HLTF: variants seen among roughly 807,000 people sequenced by gnomAD.
HLTF encodes DNA-dependent ATPase/E3 ubiquitin-protein ligase HLTF.
In HLTF, 127 loss-of-function variants were observed where a neutral mutation model predicts 129.4. The observed-to-expected ratio is 0.98, with a 90% CI of 0.85 to 1.14. The LOEUF (loss-of-function observed/expected upper bound fraction) is 1.14. Ranked by LOEUF, HLTF falls within the 50% of genes most tolerant of loss-of-function variation. The pLI is 0.00. For synonymous variants in HLTF, 332 were observed against 388.8 expected, an observed-to-expected ratio of 0.85 and a Z score of 1.72; for missense variants, 1,139 against 1,187.1, an observed-to-expected ratio of 0.96 and a Z score of 0.60.
chr3:149,051,640 C>G (rs1487768010), intron 14 of HLTF, among the ~76,000 whole-genome samples: 1 of 152,224 alleles, frequency 6.6e-6, no homozygotes, highest in Non-Finnish European at 1.5e-5. Flanking sequence ...GCGGGTGGAT[C>G]ACTTGAGGTC....
In HLTF at chr3:149,049,008, T is replaced by C; in HGVS notation, c.1618-7A>G. ...ATGGACTATCTCCTTTAGTCTGAAA[T>C]AAATGTTTTATATGAATTAAAAAAC... On this transcript the variant is annotated splice_polypyrimidine_tract_variant and splice_region_variant and intron_variant, in intron 15 of 24. Transcript: ENST00000310053. The C allele has an allele frequency of 6.3e-7, 1 of 1,578,062 alleles. No individual in the cohort carries two copies. The highest frequency in any genetic ancestry group is 8.7e-7 in the Non-Finnish European group (1 of 1,152,504).
At chr3:149,071,192 CT>C (rs1718825787) in intron 7 of HLTF, 59 bp downstream of exon 7, 2 of 1,110,022 alleles carry the variant, frequency 1.8e-6, no homozygotes, top group Non-Finnish European at 2.6e-6. Flanking sequence ...TTCAAAATTA[CT>C]TTCTAGAAAA....
At chr3:149,052,548 G>A (rs904461067) in intron 14 of HLTF, among the ~76,000 whole-genome samples, 5 of 152,150 alleles carry the variant, frequency 3.3e-5, no homozygotes, top group Non-Finnish European at 7.3e-5. Context: ...AGGAAAAGGG[G>A]AGCTCATTGT....
At chr3:149,072,065 A>T (rs1879170) in intron 5 of HLTF, among the ~76,000 whole-genome samples, 69 of 152,298 alleles carry the variant, frequency 4.5e-4, no homozygotes, top group African/African-American at 1.5e-3. Flanking sequence ...AAAATTAAGA[A>T]ATTGAAATTA....
At chr3:149,058,948 C>T (rs753373605) in intron 13 of HLTF, among the ~76,000 whole-genome samples, 2 of 152,090 alleles carry the variant, frequency 1.3e-5, no homozygotes, top group Non-Finnish European at 2.9e-5. Flanking sequence ...AAGAATAATC[C>T]ACCCAACATG....
At chr3:149,060,718 T>A in intron 11 of HLTF, 31 bp from the exon 12 acceptor site, 1 of 1,609,712 alleles carries the variant, frequency 6.2e-7, no homozygotes, top group Non-Finnish European at 8.5e-7. Context: ...AACATAAAAA[T>A]GGGCAAAACA....
intron 21 of HLTF, 33 bp from the exon 22 acceptor site, chr3:149,039,726 C>A: frequency 9.2e-7 from 1 of 1,087,700 alleles, no homozygotes; most frequent in Non-Finnish European, 1.3e-6. Context: ...CATTAGATTC[C>A]ATTTTAAATC....
intron 9 of HLTF, among the ~76,000 whole-genome samples, chr3:149,063,972 T>C (rs951546796): frequency 1.3e-5 from 2 of 152,210 alleles, no homozygotes; most frequent in African/African-American, 4.8e-5. Flanking sequence ...CCATACTACA[T>C]TGACCCCTTT....
rs148726972 is a variant in HLTF, at chr3:149,071,295, G to T, written c.851C>A (p.Pro284Gln). The change falls in exon 7 of 25, where the codon CCA becomes CAA. Residue 284 changes from proline to glutamine, a missense_variant. Coordinates refer to ENST00000310053, the MANE Select transcript of HLTF (RefSeq NM_003071.4). Reference protein sequence around the residue: ...TITNFSEKDRPENVHGGILAD... With the variant: ...TITNFSEKDRQENVHGGILAD... The stretch of plus-strand genomic sequence containing the variant: ...TAAAATTCCTCCATGGACATTTTCT[G>T]GTCGGTCCTTCTCAGAAAAATTTGT... 2 of 1,605,402 alleles carry T rather than the reference G, an allele frequency of 1.2e-6. No individual in the cohort carries two copies. Among genetic ancestry groups the T allele is most frequent in the Non-Finnish European group, 1.7e-6 (2 of 1,175,930 alleles).
intron 2 of HLTF, chr3:149,083,778 G>A (rs894952990): frequency 1.1e-4 from 16 of 151,740 alleles, no homozygotes; most frequent in African/African-American, 3.9e-4. Context: ...AATTAGCTGG[G>A]TATGGTGGTG....
At chr3:149,072,206 A>AT (rs1295603040) in intron 5 of HLTF, among the ~76,000 whole-genome samples, 1 of 152,196 alleles carries the variant, frequency 6.6e-6, no homozygotes, top group Non-Finnish European at 1.5e-5. Flanking sequence ...ATATAAAAGA[A>AT]TTTTAAGTCC....
At position 149,068,222 on chromosome 3, in the gene HLTF, C is replaced by A; in HGVS notation, c.990+18G>T. Reference sequence around the variant, plus strand: ...TAAACTGGAGGTTTCACATAAAGCGCACTTACTACTACTTTACCTTCTTCA... The same window carrying A: ...TAAACTGGAGGTTTCACATAAAGCGAACTTACTACTACTTTACCTTCTTCA... On this transcript the variant is annotated intron_variant, in intron 8 of 24. Coordinates refer to ENST00000310053, the MANE Select transcript of HLTF (RefSeq NM_003071.4). 1.9e-6 allele frequency: 2 copies of A among 1,054,418 alleles called. No homozygotes were observed. The highest frequency in any genetic ancestry group is 1.4e-5 in the South Asian group (1 of 69,856). 65.3% of individuals were successfully genotyped at this position (1,054,418 alleles called of 1,614,324 possible).
chr3:149,040,057 C>CA lies in HLTF; in HGVS notation c.2475dup (p.Asp826Ter), dbSNP rs779763241. 1 of 1,611,502 alleles carries CA rather than the reference C, an allele frequency of 6.2e-7. No homozygotes were observed. The highest frequency in any genetic ancestry group is 1.1e-5 in the South Asian group (1 of 90,804). Reference sequence around the variant, plus strand: ...TTTGAACTGGATGTCCATTCCATATCAGACTTTTTCTCACTGTCACGTGCT... The same window carrying CA: ...TTTGAACTGGATGTCCATTCCATATCAAGACTTTTTCTCACTGTCACGTGCT... On this transcript the variant is annotated frameshift_variant, in exon 21 of 25. Coordinates refer to ENST00000310053, the MANE Select transcript of HLTF (RefSeq NM_003071.4). LOFTEE classifies it high-confidence loss of function.
At chr3:149,048,309 T>G in intron 16 of HLTF, 146 bp from the exon 17 acceptor site, 1 of 525,106 alleles carries the variant, frequency 1.9e-6, no homozygotes, top group African/African-American at 2.0e-5. Flanking sequence ...TATCAAGTGT[T>G]GACTATAATC....
chr3:149,067,077 AAAG>A (rs1356360871), intron 8 of HLTF, among the ~76,000 whole-genome samples: 1 of 152,046 alleles, frequency 6.6e-6, no homozygotes, highest in Non-Finnish European at 1.5e-5. Flanking sequence ...TCAGGTAAGA[AAAG>A]AAGTAACTGT....
At chr3:149,049,102 A>G (rs1312597944) in intron 15 of HLTF, 101 bp from the exon 16 acceptor site, 21 of 764,462 alleles carry the variant, frequency 2.7e-5, no homozygotes, top group Non-Finnish European at 4.0e-5. Flanking sequence ...TATCAAATTT[A>G]CTATGTGCTA....
At chr3:149,057,786 T>C (rs183025453) in intron 13 of HLTF, among the ~76,000 whole-genome samples, 18 of 152,328 alleles carry the variant, frequency 1.2e-4, no homozygotes, top group Non-Finnish European at 2.4e-4. Context: ...AACCAATTCA[T>C]AGCATCATAC....
Position 149,086,357 on chromosome 3 carries a change from G to A in HLTF, c.-21C>T. 6.3e-7 allele frequency: 1 copy of A among 1,583,808 alleles called. No individual in the cohort carries two copies. Among genetic ancestry groups the A allele is most frequent in the Non-Finnish European group, 8.6e-7 (1 of 1,164,518 alleles). ...GACATGGCGCTGAGTGGGATGACAA[G>A]AGGAGCGCCTCGGCTCCCCTGGATC... On this transcript the variant is annotated 5_prime_UTR_variant, in exon 1 of 25. Coordinates refer to ENST00000310053, the MANE Select transcript of HLTF (RefSeq NM_003071.4).
chr3:149,084,324 A>G (rs180847034), intron 2 of HLTF, among the ~76,000 whole-genome samples: 2 of 152,228 alleles, frequency 1.3e-5, no homozygotes, highest in Non-Finnish European at 1.5e-5. Flanking sequence ...AAGCTTAAAC[A>G]TAAGAAACAT....
Sources: gnomAD v4.1 joint callset for allele counts (sites outside exome capture counted in the v4.1 genomes callset) on GRCh38, gnomAD v4.1.1 for gene constraint, MANE v1.5 for transcripts, NCBI Gene and HGNC (gene_info 2026-07-23, HGNC 2026-07-21) for gene names.